Variants in CTNNA3 observed in about 807,000 individuals in gnomAD.
CTNNA3 encodes the protein catenin alpha 3, also known as catenin alpha-3.
CTNNA3 carries 76 observed loss-of-function variants against 95.7 expected under a neutral mutation model. That is an observed-to-expected ratio of 0.79 (90% confidence interval 0.66 to 0.96). The LOEUF (loss-of-function observed/expected upper bound fraction) is 0.96, where lower values mean the gene tolerates loss of function less well. Among genes scored for constraint, CTNNA3 ranks in the 40% least tolerant of loss-of-function variants. CTNNA3 has a pLI of 0.00. For synonymous variants in CTNNA3, 431 were observed against 374.4 expected (o/e 1.15, Z -1.74); for missense variants, 1,191 against 1,089.8 (o/e 1.09, Z -1.31).
At chr10:66,367,295 T>C (rs2092716776) in intron 12 of CTNNA3, among the ~76,000 whole-genome samples, 1 of 152,090 alleles carries the variant, frequency 6.6e-6, no homozygotes, top group African/African-American at 2.4e-5. Flanking sequence ...TATAAACTAG[T>C]TCAAGCCTTC....
intron 14 of CTNNA3, among the ~76,000 whole-genome samples, chr10:66,083,679 A>G (rs1304872423): frequency 6.6e-6 from 1 of 152,136 alleles, no homozygotes; most frequent in Admixed American, 6.6e-5. Flanking sequence ...GACCCATCCT[A>G]TGTATTGTGG....
At chr10:67,228,672 A>T (rs1865047999) in intron 5 of CTNNA3, among the ~76,000 whole-genome samples, 1 of 152,178 alleles carries the variant, frequency 6.6e-6, no homozygotes, top group South Asian at 2.1e-4. Flanking sequence ...AATACAAAAG[A>T]TCATTCAAGG....
chr10:66,105,277 C>T (rs1248586589), intron 13 of CTNNA3, among the ~76,000 whole-genome samples: 2 of 152,164 alleles, frequency 1.3e-5, no homozygotes, highest in East Asian at 1.9e-4. Flanking sequence ...AATCATATAT[C>T]GCATTATTAG....
At chr10:66,382,498 G>C (rs963803025) in intron 11 of CTNNA3, among the ~76,000 whole-genome samples, 1 of 152,238 alleles carries the variant, frequency 6.6e-6, no homozygotes. Context: ...TCTTGGGCAG[G>C]GCACAGCTGA....
chr10:66,687,748 C>T (rs1847355046), intron 9 of CTNNA3, among the ~76,000 whole-genome samples: 1 of 151,192 alleles, frequency 6.6e-6, no homozygotes, highest in East Asian at 1.9e-4. Context: ...CACACACACA[C>T]ACATACCACT....
intron 9 of CTNNA3, among the ~76,000 whole-genome samples, chr10:66,634,877 C>T (rs890928909): frequency 6.6e-6 from 1 of 152,034 alleles, no homozygotes; most frequent in Non-Finnish European, 1.5e-5. Context: ...CACACATACA[C>T]ACAAACTCAA....
chr10:66,265,845 C>A (rs916720920), intron 13 of CTNNA3, among the ~76,000 whole-genome samples: 3 of 151,996 alleles, frequency 2.0e-5, no homozygotes, highest in African/African-American at 7.2e-5. Flanking sequence ...TTATCCATAT[C>A]TTTCTTTACT....
At chr10:66,969,829 C>T (rs1245285978) in intron 7 of CTNNA3, among the ~76,000 whole-genome samples, 1 of 152,060 alleles carries the variant, frequency 6.6e-6, no homozygotes, top group Admixed American at 6.6e-5. Flanking sequence ...CATAAGGCTT[C>T]CTGACCCTAG....
intron 12 of CTNNA3, among the ~76,000 whole-genome samples, chr10:66,287,553 A>G (rs2091610489): frequency 6.6e-6 from 1 of 152,090 alleles, no homozygotes; most frequent in African/African-American, 2.4e-5. Flanking sequence ...CCCACAAAAC[A>G]TTGCAGGACA....
intron 5 of CTNNA3, among the ~76,000 whole-genome samples, chr10:67,240,805 A>G (rs16924269): frequency 0.036 from 5,421 of 152,220 alleles, 202 homozygotes; most frequent in South Asian, 0.18. Context: ...TCTAATGCGG[A>G]CTACTGTGTC....
chr10:66,590,111 ATC>A lies in CTNNA3; in HGVS notation c.1374+31579_1374+31580del, dbSNP rs112780217. Among the ~76,000 whole-genome samples, 145 of 152,240 alleles carry A rather than the reference ATC, an allele frequency of 9.5e-4. 1 individual carries two copies. Among genetic ancestry groups the A allele is most frequent in the African/African-American group, 3.4e-3 (142 of 41,562 alleles). On this transcript the variant is annotated intron_variant, in intron 10 of 17. Coordinates refer to ENST00000433211, the MANE Select transcript of CTNNA3 (RefSeq NM_013266.4). ...TTTCAATCAAATTATAATGTAAAAT[ATC>A]TGTTATGTGTTTAAAGTATGTTTTA...
rs143571113 is a variant in CTNNA3 at position 67,219,300 on chromosome 10, T to C, written c.843+307A>G. ...GAACAGTAATGCCAATAAGTATTTG[T>C]GGAGTGAATAAATCTTATGCTTCAT... On this transcript the variant is annotated intron_variant, in intron 6 of 17. Transcript: ENST00000433211. Among the ~76,000 whole-genome samples, 29 of 152,352 alleles carry C rather than the reference T, an allele frequency of 1.9e-4. No homozygotes were observed. In the East Asian group the frequency reaches 5.6e-3, roughly 29 times the overall value.
chr10:66,724,113 TCA>T (rs1848710686), intron 9 of CTNNA3, among the ~76,000 whole-genome samples: 1 of 152,090 alleles, frequency 6.6e-6, no homozygotes, highest in Non-Finnish European at 1.5e-5. Context: ...ACAATGCTAT[TCA>T]CAGTCTGGAT....
At chr10:65,983,491 A>G (rs1254739563) in intron 16 of CTNNA3, among the ~76,000 whole-genome samples, 4 of 151,498 alleles carry the variant, frequency 2.6e-5, no homozygotes, top group Admixed American at 1.3e-4. Context: ...ATAGAAAAAA[A>G]TATGTACTGA....
At chr10:66,162,062 T>A (rs1011321244) in intron 13 of CTNNA3, among the ~76,000 whole-genome samples, 1 of 152,130 alleles carries the variant, frequency 6.6e-6, no homozygotes, top group Non-Finnish European at 1.5e-5. Flanking sequence ...TTATTTTTTT[T>A]TTCTTTAAGC....
chr10:67,585,338 A>C (rs1378795246), intron 3 of CTNNA3, among the ~76,000 whole-genome samples: 1 of 152,218 alleles, frequency 6.6e-6, no homozygotes, highest in Non-Finnish European at 1.5e-5. Flanking sequence ...TATCAGAATA[A>C]TACTGGCCTC....
At chr10:67,090,692 T>G (rs1475544323) in intron 7 of CTNNA3, among the ~76,000 whole-genome samples, 1 of 152,068 alleles carries the variant, frequency 6.6e-6, no homozygotes, top group East Asian at 1.9e-4. Flanking sequence ...AGTAAATGCT[T>G]AATGAATGAA....
chr10:66,807,801 A>T (rs1841714470), intron 7 of CTNNA3, among the ~76,000 whole-genome samples: 1 of 152,124 alleles, frequency 6.6e-6, no homozygotes. Flanking sequence ...TTAGAAAAAA[A>T]GCTTGAGTTT....
intron 7 of CTNNA3, among the ~76,000 whole-genome samples, chr10:66,966,366 G>A (rs1280202609): frequency 6.6e-6 from 1 of 151,946 alleles, no homozygotes; most frequent in Non-Finnish European, 1.5e-5. Flanking sequence ...AAAAGACTTT[G>A]TATAATGAAA....
Sources: gnomAD v4.1 joint callset for allele counts (sites outside exome capture counted in the v4.1 genomes callset) on GRCh38, gnomAD v4.1.1 for gene constraint, MANE v1.5 for transcripts, NCBI Gene and HGNC (gene_info 2026-07-23, HGNC 2026-07-21) for gene names.